The following DRAXIN variants were observed in gnomAD, a reference collection of about 807,000 sequenced individuals.
DRAXIN encodes the protein dorsal repulsive axon guidance protein.
In DRAXIN, 27 loss-of-function variants were observed where a neutral mutation model predicts 33.9. That is an observed-to-expected ratio of 0.80 (90% CI 0.59 to 1.10). The LOEUF is 1.10. Ranked by LOEUF, DRAXIN falls within the 50% of genes least tolerant of loss-of-function variation. The pLI, the probability that DRAXIN is intolerant of heterozygous loss-of-function variation, is 0.00. For synonymous variants in DRAXIN, 178 were observed against 194.0 expected (o/e 0.92, Z 0.69); for missense variants, 371 against 460.8 (o/e 0.81, Z 1.78).
intron 3 of DRAXIN, among the ~76,000 whole-genome samples, chr1:11,709,975 A>C (rs1641450500): frequency 6.6e-6 from 1 of 152,056 alleles, no homozygotes; most frequent in Admixed American, 6.6e-5. Flanking sequence ...TCACGAGGTC[A>C]GGAGTTCGAG....
intron 1 of DRAXIN, among the ~76,000 whole-genome samples, chr1:11,693,558 G>A (rs993246526): frequency 2.6e-5 from 4 of 152,144 alleles, no homozygotes; most frequent in African/African-American, 4.8e-5. Context: ...CCCTGGCTGA[G>A]TTCTTATTTC....
chr1:11,703,472 T>C (rs1461190271), intron 1 of DRAXIN, among the ~76,000 whole-genome samples: 1 of 151,874 alleles, frequency 6.6e-6, no homozygotes, highest in East Asian at 1.9e-4. Context: ...CTGTTGCCTG[T>C]GAAGGGGAGA....
chr1:11,702,009 A>ACACACT (rs1396850326), intron 1 of DRAXIN, among the ~76,000 whole-genome samples: 1 of 152,126 alleles, frequency 6.6e-6, no homozygotes, highest in African/African-American at 2.4e-5. Flanking sequence ...TCCAGCTGAC[A>ACACACT]CACACTGTTG....
upstream of DRAXIN, among the ~76,000 whole-genome samples, chr1:11,690,149 T>C (rs904089166): frequency 6.6e-6 from 1 of 152,160 alleles, no homozygotes; most frequent in Non-Finnish European, 1.5e-5. The surrounding 1 kb of genome is among the most constrained non-coding windows in gnomAD (Gnocchi z 4.2). Context: ...ACATCATTTA[T>C]ATTTATTTGT....
intron 1 of DRAXIN, among the ~76,000 whole-genome samples, chr1:11,693,060 C>T (rs1175442903): frequency 1.3e-5 from 2 of 152,058 alleles, no homozygotes; most frequent in African/African-American, 2.4e-5. Flanking sequence ...ACCCCACCAC[C>T]ACAGCCTCTT....
chr1:11,688,326 G>A (rs1337206654), upstream of DRAXIN, among the ~76,000 whole-genome samples: 6 of 152,162 alleles, frequency 3.9e-5, no homozygotes, highest in East Asian at 5.8e-4. This position sits in a 1 kb window ranked among gnomAD's most constrained non-coding sequence, Gnocchi z 4.6. Flanking sequence ...TTGGGAGGCC[G>A]AGGCTGGCGA....
chr1:11,714,612 G>A (rs973206599), intron 5 of DRAXIN, among the ~76,000 whole-genome samples: 11 of 152,268 alleles, frequency 7.2e-5, no homozygotes, highest in African/African-American at 2.7e-4. Context: ...CAAACCACCA[G>A]CTCCCTGACA....
At chr1:11,699,666 C>T (rs773618348) in intron 1 of DRAXIN, among the ~76,000 whole-genome samples, 4 of 152,134 alleles carry the variant, frequency 2.6e-5, no homozygotes, top group Non-Finnish European at 4.4e-5. Flanking sequence ...GGTGCTCACA[C>T]CTGTAATCCC....
chr1:11,702,829 G>A (rs748437199), intron 1 of DRAXIN, among the ~76,000 whole-genome samples: 45 of 150,352 alleles, frequency 3.0e-4, no homozygotes, highest in Middle Eastern at 3.5e-3. Flanking sequence ...TGCAACTTCC[G>A]CCTCCAAGTT....
intron 1 of DRAXIN, among the ~76,000 whole-genome samples, chr1:11,700,693 T>C (rs867330816): frequency 1.3e-5 from 2 of 152,210 alleles, no homozygotes; most frequent in African/African-American, 4.8e-5. Context: ...GGAGGGAGGC[T>C]GATGGGCTCC....
rs952932269 is a variant in DRAXIN at position 11,720,709 on chromosome 1, T to A, written c.*1013T>A. 1.3e-5 allele frequency: 2 copies of A among 151,290 alleles called. No individual in the cohort carries two copies. Among genetic ancestry groups the A allele is most frequent in the African/African-American group, 4.9e-5 (2 of 41,156 alleles). The allele number at this position is 151,290 out of a possible 1,614,324, so 9.4% of individuals were successfully genotyped here. A position where few individuals can be genotyped will look rare whatever the true frequency, so the allele number is the denominator to read the frequency against. On this transcript the variant is annotated 3_prime_UTR_variant, in exon 7 of 7. Transcript: ENST00000294485. ...CCACTGAGAGGTCCTGGGAAGTACA[T>A]GGCAGAGCAAGGACATGAACCTGGG...
At chr1:11,716,172 T>A (rs1641574840) in intron 6 of DRAXIN, among the ~76,000 whole-genome samples, 1 of 152,226 alleles carries the variant, frequency 6.6e-6, no homozygotes, top group Non-Finnish European at 1.5e-5. Flanking sequence ...CCCAGCCAGT[T>A]TCAATTTTGT....
intron 1 of DRAXIN, among the ~76,000 whole-genome samples, chr1:11,695,582 A>G (rs569935540): frequency 5.1e-4 from 73 of 142,996 alleles, no homozygotes; most frequent in African/African-American, 1.7e-3. Flanking sequence ...AGCCTGGGCA[A>G]CAGAGTGAGA....
At chr1:11,714,592 T>C (rs1394784133) in intron 5 of DRAXIN, among the ~76,000 whole-genome samples, 1 of 152,264 alleles carries the variant, frequency 6.6e-6, no homozygotes, top group African/African-American at 2.4e-5. Context: ...GCAATTAGCA[T>C]TGTATAAGGC....
chr1:11,716,570 G>A (rs755523468), intron 6 of DRAXIN, among the ~76,000 whole-genome samples: 1 of 152,158 alleles, frequency 6.6e-6, no homozygotes, highest in South Asian at 2.1e-4. Flanking sequence ...TACCATGATC[G>A]TGCCACTGCA....
chr1:11,702,440 CCT>C (rs1191480738), intron 1 of DRAXIN, among the ~76,000 whole-genome samples: 3 of 151,694 alleles, frequency 2.0e-5, no homozygotes, highest in Admixed American at 6.6e-5. Flanking sequence ...TGCTAACACT[CCT>C]ACACACTCAC....
rs374951827 is a variant in DRAXIN at position 11,696,518 on chromosome 1, G to A, written c.-11+4665G>A. Among the ~76,000 whole-genome samples, 9 of 151,252 alleles carry A rather than the reference G, an allele frequency of 6.0e-5. No homozygotes were observed. Among genetic ancestry groups the A allele is most frequent in the Non-Finnish European group, 1.3e-4 (9 of 67,870 alleles). Reference sequence around the variant, plus strand: ...GGAGAATCGCTTGAACCTGGGAGGCGGAGGTTGCAGTTAGCTGAGATTGTG... The same window carrying A: ...GGAGAATCGCTTGAACCTGGGAGGCAGAGGTTGCAGTTAGCTGAGATTGTG... On this transcript the variant is annotated intron_variant, in intron 1 of 6. Coordinates refer to ENST00000294485, the MANE Select transcript of DRAXIN (RefSeq NM_198545.4). The surrounding 1 kb of genome is among the most constrained non-coding windows in gnomAD (Gnocchi z 4.7).
At chr1:11,709,171 T>C in intron 2 of DRAXIN, 104 bp from the exon 3 acceptor site, 1 of 1,234,898 alleles carries the variant, frequency 8.1e-7, no homozygotes, top group Non-Finnish European at 1.1e-6. Context: ...TGTCACACAG[T>C]GCCTGCTGCC....
intron 3 of DRAXIN, among the ~76,000 whole-genome samples, chr1:11,709,915 G>A (rs966482444): frequency 2.0e-5 from 3 of 152,200 alleles, no homozygotes; most frequent in South Asian, 2.1e-4. Flanking sequence ...GGCTGGGCGC[G>A]GTGGCTCATG....
Sources: gnomAD v4.1 joint callset for allele counts (sites outside exome capture counted in the v4.1 genomes callset) on GRCh38, gnomAD v4.1.1 for gene constraint, Gnocchi (gnomAD v3.1) non-coding constraint, MANE v1.5 for transcripts, NCBI Gene and HGNC (gene_info 2026-07-23, HGNC 2026-07-21) for gene names.